Variants in PTDSS1 observed in about 807,000 individuals in gnomAD.
PTDSS1 encodes PSS-1.
A neutral mutation model predicts 70.5 loss-of-function variants in PTDSS1; 45 were observed. The observed-to-expected ratio is 0.64, with a 90% CI of 0.50 to 0.82. PTDSS1 has a LOEUF of 0.82. Among genes scored for constraint, PTDSS1 ranks in the 40% least tolerant of loss-of-function variants. PTDSS1 has a pLI of 0.00. For synonymous variants in PTDSS1, 188 were observed against 203.8 expected, an observed-to-expected ratio of 0.92 and a Z score of 0.66; for missense variants, 417 against 586.1, an observed-to-expected ratio of 0.71 and a Z score of 2.98.
In PTDSS1 at chr8:96,261,968, G is replaced by A; in HGVS notation, c.-73G>A. 1 of 1,489,920 alleles carries A rather than the reference G, an allele frequency of 6.7e-7. No individual in the cohort carries two copies. Among genetic ancestry groups the A allele is most frequent in the Non-Finnish European group, 9.1e-7 (1 of 1,101,742 alleles). 92.3% of individuals were successfully genotyped at this position (1,489,920 alleles called of 1,614,324 possible). On this transcript the variant is annotated 5_prime_UTR_variant, in exon 1 of 13. Coordinates refer to ENST00000517309, the MANE Select transcript of PTDSS1 (RefSeq NM_014754.3). ...GCCGTCCGGCTATTAGCCTACTGTG[G>A]CTAGTCACCCCCGGGGTCCCGGCCT...
chr8:96,328,680 C>T (rs1811472144), intron 10 of PTDSS1, among the ~76,000 whole-genome samples: 1 of 152,170 alleles, frequency 6.6e-6, no homozygotes, highest in Admixed American at 6.5e-5. Flanking sequence ...GCTCTCCTTT[C>T]TTTTTTGGAA....
At chr8:96,292,388 T>G (rs553620444) in intron 4 of PTDSS1, among the ~76,000 whole-genome samples, 26 of 151,392 alleles carry the variant, frequency 1.7e-4, no homozygotes, top group African/African-American at 5.8e-4. Flanking sequence ...AACAATACAG[T>G]GTGAAAAAGA....
chr8:96,306,439 T>C lies in PTDSS1; in HGVS notation c.895-5T>C. 1 of 1,610,832 alleles carries C rather than the reference T, an allele frequency of 6.2e-7. No homozygotes were observed. Among genetic ancestry groups the C allele is most frequent in the Admixed American group, 1.7e-5 (1 of 59,974 alleles). On this transcript the variant is annotated splice_region_variant and splice_polypyrimidine_tract_variant and intron_variant, in intron 7 of 12. Coordinates refer to ENST00000517309, the MANE Select transcript of PTDSS1 (RefSeq NM_014754.3). ...CAGGTTGACTAATTTCTCCGTCTTT[T>C]TCAGCTGACTGAGTTGAATACCTTC...
chr8:96,288,377 T>G (rs1352435809), intron 4 of PTDSS1, among the ~76,000 whole-genome samples: 5 of 151,830 alleles, frequency 3.3e-5, no homozygotes, highest in Non-Finnish European at 7.4e-5. Context: ...TAGGCTGGAG[T>G]GCAGTGGCAC....
At chr8:96,287,832 T>C (rs1810845919) in intron 4 of PTDSS1, among the ~76,000 whole-genome samples, 1 of 152,234 alleles carries the variant, frequency 6.6e-6, no homozygotes, top group Non-Finnish European at 1.5e-5. Flanking sequence ...AAAAACCAAC[T>C]ATTTTTCTCT....
chr8:96,303,996 T>G, intron 6 of PTDSS1, 44 bp from the exon 7 acceptor site: 1 of 1,564,152 alleles, frequency 6.4e-7, no homozygotes, highest in Non-Finnish European at 8.7e-7. Context: ...GTTTTCCCCC[T>G]GCCTTATCTC....
At chr8:96,297,683 G>T (rs1367356051) in intron 5 of PTDSS1, among the ~76,000 whole-genome samples, 1 of 152,034 alleles carries the variant, frequency 6.6e-6, no homozygotes. Flanking sequence ...GCTGTCTCCA[G>T]AGCTCAGCTC....
At chr8:96,312,734 C>T (rs184688308) in intron 9 of PTDSS1, among the ~76,000 whole-genome samples, 13 of 152,190 alleles carry the variant, frequency 8.5e-5, no homozygotes, top group South Asian at 2.1e-4. Flanking sequence ...CTCCTGTGTG[C>T]GTGAACAGCC....
chr8:96,319,161 G>A (rs1455353546), intron 9 of PTDSS1, among the ~76,000 whole-genome samples: 6 of 151,794 alleles, frequency 4.0e-5, no homozygotes, highest in African/African-American at 9.7e-5. Context: ...TGATCCGCTC[G>A]CCTCAGCCTC....
At chr8:96,314,916 G>A (rs1387400646) in intron 9 of PTDSS1, among the ~76,000 whole-genome samples, 1 of 151,826 alleles carries the variant, frequency 6.6e-6, no homozygotes, top group Non-Finnish European at 1.5e-5. Context: ...TTTTTTAGCA[G>A]CCGATCCCCT....
chr8:96,316,149 T>C (rs1356322734), intron 9 of PTDSS1, among the ~76,000 whole-genome samples: 1 of 152,206 alleles, frequency 6.6e-6, no homozygotes. Flanking sequence ...GTTGGGTTCC[T>C]ACCACTTCTC....
chr8:96,324,793 G>C lies in PTDSS1; in HGVS notation c.1173+4448G>C, dbSNP rs559042664. On this transcript the variant is annotated intron_variant, in intron 10 of 12. Transcript: ENST00000517309. ...ACCATAGCAGTCACTCAGACTGTAG[G>C]GACCCCTCTAATTTCTCTTTAAGTT... is the stretch of plus-strand genomic sequence containing the variant. 4.6e-5 allele frequency among the ~76,000 whole-genome samples: 7 copies of C among 152,268 alleles called. No individual in the cohort carries two copies. The East Asian group carries it at 1.3e-3, about 29-fold the overall frequency.
chr8:96,334,016 G>A lies in PTDSS1; in HGVS notation c.*450G>A. Reference sequence around the variant, plus strand: ...TTTCCATTGATTGATTTAAGTTCAGGCCACTTTTCTGTCTTTTATTTGGTT... The same window carrying A: ...TTTCCATTGATTGATTTAAGTTCAGACCACTTTTCTGTCTTTTATTTGGTT... On this transcript the variant is annotated 3_prime_UTR_variant, in exon 13 of 13. Transcript: ENST00000517309. 2.3e-6 allele frequency: 1 copy of A among 434,520 alleles called. No individual in the cohort carries two copies. The highest frequency in any genetic ancestry group is 5.9e-4 in the Middle Eastern group (1 of 1,690). 26.9% of individuals were successfully genotyped at this position (434,520 alleles called of 1,614,324 possible).
rs71267241 is a variant in PTDSS1 at position 96,318,902 on chromosome 8, C to CTTTTTTT, written c.1074-1324_1074-1318dup. ...AAGGGCCTTCTTGGCCCCTTCTTGC[C>CTTTTTTT]TTTTTTTTTTTTTTTTTTTTTTTTT... On this transcript the variant is annotated intron_variant, in intron 9 of 12. Coordinates refer to ENST00000517309, the MANE Select transcript of PTDSS1 (RefSeq NM_014754.3). 1.1e-4 allele frequency among the ~76,000 whole-genome samples: 5 copies of CTTTTTTT among 46,188 alleles called. 2 individuals are homozygous for CTTTTTTT. Among genetic ancestry groups the CTTTTTTT allele is most frequent in the Admixed American group, 7.1e-4 (2 of 2,836 alleles). 30.3% of individuals were successfully genotyped at this position (46,188 alleles called of 152,430 possible). A position where few individuals can be genotyped will look rare whatever the true frequency, so the allele number is the denominator to read the frequency against.
intron 1 of PTDSS1, among the ~76,000 whole-genome samples, chr8:96,270,423 G>T (rs554796415): frequency 1.3e-5 from 2 of 152,300 alleles, no homozygotes; most frequent in Admixed American, 6.5e-5. Context: ...AGACCTTATA[G>T]AATGGCCCTG....
Position 96,333,105 on chromosome 8 carries a change from C to T in PTDSS1, c.1313-352C>T, listed in dbSNP as rs73263763. ...TGGTTGCAGGGCAGGATGGGCACCG[C>T]GTGGTGTGTGTTTTAATTGCCCCTC... On this transcript the variant is annotated intron_variant, in intron 12 of 12. Coordinates refer to ENST00000517309, the MANE Select transcript of PTDSS1 (RefSeq NM_014754.3). 3.7e-3 allele frequency among the ~76,000 whole-genome samples: 562 copies of T among 152,280 alleles called. 2 individuals carry two copies. Among genetic ancestry groups the T allele is most frequent in the African/African-American group, 0.012 (507 of 41,552 alleles).
chr8:96,325,046 C>T (rs774044794), intron 10 of PTDSS1, among the ~76,000 whole-genome samples: 3 of 152,146 alleles, frequency 2.0e-5, no homozygotes, highest in Non-Finnish European at 2.9e-5. Context: ...AGATAGATGA[C>T]GGTGATAAGA....
At chr8:96,286,012 G>A (rs917317836) in intron 3 of PTDSS1, among the ~76,000 whole-genome samples, 1 of 152,068 alleles carries the variant, frequency 6.6e-6, no homozygotes, top group Non-Finnish European at 1.5e-5. Flanking sequence ...CATACCACCC[G>A]GGCCTCCCTT....
In PTDSS1 at chr8:96,335,950, G is replaced by C. The variant is rs1001610937; in HGVS notation, c.*2384G>C. 1.3e-5 allele frequency: 2 copies of C among 152,190 alleles called. No individual in the cohort carries two copies. Among genetic ancestry groups the C allele is most frequent in the African/African-American group, 4.8e-5 (2 of 41,446 alleles). The allele number at this position is 152,190 out of a possible 1,614,324, so 9.4% of individuals were successfully genotyped here. On this transcript the variant is annotated 3_prime_UTR_variant, in exon 13 of 13. Coordinates refer to ENST00000517309, the MANE Select transcript of PTDSS1 (RefSeq NM_014754.3). ...CCTCTTAAGAGAGAACATTGTTTTGGACCTAAAGCTTGAAGAACGGTTTAT... is the reference window on the plus strand; with the variant it reads ...CCTCTTAAGAGAGAACATTGTTTTGCACCTAAAGCTTGAAGAACGGTTTAT...
Sources: allele counts gnomAD v4.1 joint callset (sites outside exome capture counted in the v4.1 genomes callset), GRCh38; gene constraint gnomAD v4.1.1; transcripts MANE v1.5; gene names NCBI Gene and HGNC (gene_info 2026-07-23, HGNC 2026-07-21).